Variants in LYPLAL1 observed in about 807,000 individuals in gnomAD.
LYPLAL1 encodes lysophospholipase-like protein 1.
Under a neutral mutation model 19.7 loss-of-function variants are expected in LYPLAL1, and 23 were observed. The observed-to-expected ratio is 1.17, with a 90% CI of 0.84 to 1.65. The LOEUF (loss-of-function observed/expected upper bound fraction) is 1.65. Ranked by LOEUF, LYPLAL1 falls within the 40% of genes most tolerant of loss-of-function variation. The pLI is 0.00. For missense variants in LYPLAL1, 355 were observed against 279.4 expected (o/e 1.27, Z -1.93); for synonymous variants, 119 against 96.3 (o/e 1.24, Z -1.38).
chr1:219,232,588 T>C, the LYPLAL1 span, among the ~76,000 whole-genome samples: 1 of 152,108 alleles, frequency 6.6e-6, no homozygotes, highest in Non-Finnish European at 1.5e-5. Context: ...TATCAACAAG[T>C]GAAATGCACC....
At chr1:219,400,641 G>A in the LYPLAL1 span, among the ~76,000 whole-genome samples, 497 of 152,008 alleles carry the variant, frequency 3.3e-3, 1 homozygote, top group African/African-American at 0.012. Context: ...ATTACAGGTG[G>A]TCACCACCAC....
At chr1:219,408,286 T>C in the LYPLAL1 span, among the ~76,000 whole-genome samples, 2 of 152,180 alleles carry the variant, frequency 1.3e-5, no homozygotes, top group African/African-American at 4.8e-5. Context: ...TACTGTATCT[T>C]AGACAGGTGG....
At chr1:219,307,786 G>A in the LYPLAL1 span, among the ~76,000 whole-genome samples, 3 of 152,158 alleles carry the variant, frequency 2.0e-5, no homozygotes, top group Non-Finnish European at 4.4e-5. Context: ...CATGAGATCT[G>A]ATGGTTTTAT....
the LYPLAL1 span, among the ~76,000 whole-genome samples, chr1:219,413,584 A>G: frequency 6.6e-6 from 1 of 152,226 alleles, no homozygotes; most frequent in Admixed American, 6.5e-5. Flanking sequence ...GGAGAATGTA[A>G]TCTAATTCTT....
chr1:219,192,716 T>C (rs1657281245), intron 2 of LYPLAL1, among the ~76,000 whole-genome samples: 1 of 151,634 alleles, frequency 6.6e-6, no homozygotes, highest in African/African-American at 2.4e-5. Context: ...TGGAATATCT[T>C]GATGGTGTGT....
the LYPLAL1 span, among the ~76,000 whole-genome samples, chr1:219,428,077 A>G: frequency 1.9e-3 from 286 of 152,308 alleles, 1 homozygote; most frequent in African/African-American, 5.6e-3. Flanking sequence ...AGCTGCATAC[A>G]TCTGATGACA....
At chr1:219,314,034 T>G in the LYPLAL1 span, among the ~76,000 whole-genome samples, 2 of 152,362 alleles carry the variant, frequency 1.3e-5, 1 homozygote, top group African/African-American at 4.8e-5. Context: ...TGTGTCCATA[T>G]GCACTCCGTG....
chr1:219,398,220 T>A, the LYPLAL1 span, among the ~76,000 whole-genome samples: 1 of 152,144 alleles, frequency 6.6e-6, no homozygotes, highest in Non-Finnish European at 1.5e-5. Context: ...TTTACATGAG[T>A]TCTTATTTCT....
the LYPLAL1 span, chr1:219,410,008 ATTC>A: frequency 2.0e-5 from 3 of 152,212 alleles, no homozygotes; most frequent in Admixed American, 6.5e-5. Flanking sequence ...GGATGTGAAA[ATTC>A]TTCTTCATCA....
the LYPLAL1 span, among the ~76,000 whole-genome samples, chr1:219,287,480 A>C: frequency 6.6e-6 from 1 of 152,174 alleles, no homozygotes; most frequent in Non-Finnish European, 1.5e-5. Flanking sequence ...TTGAAACAAC[A>C]ATGAGATACC....
intron 2 of LYPLAL1, among the ~76,000 whole-genome samples, chr1:219,191,708 A>G (rs1285318869): frequency 6.6e-6 from 1 of 151,538 alleles, no homozygotes; most frequent in Non-Finnish European, 1.5e-5. Context: ...AATAAGATTG[A>G]CATGAAAAAC....
the LYPLAL1 span, among the ~76,000 whole-genome samples, chr1:219,352,065 C>G: frequency 6.6e-6 from 1 of 152,186 alleles, no homozygotes; most frequent in Non-Finnish European, 1.5e-5. Flanking sequence ...CTTCTAAGAG[C>G]TACATCTGCT....
the LYPLAL1 span, among the ~76,000 whole-genome samples, chr1:219,347,483 C>T: frequency 5.3e-5 from 8 of 152,104 alleles, no homozygotes; most frequent in African/African-American, 9.7e-5. Flanking sequence ...CCACAATCAC[C>T]GGGGCCTTGT....
chr1:219,178,841 AATTT>A (rs1396357779), intron 1 of LYPLAL1, among the ~76,000 whole-genome samples: 1 of 152,148 alleles, frequency 6.6e-6, no homozygotes, highest in Non-Finnish European at 1.5e-5. Context: ...TAGAAAAATC[AATTT>A]ATTTATTTAT....
At chr1:219,370,385 C>CTT in the LYPLAL1 span, among the ~76,000 whole-genome samples, 1 of 152,172 alleles carries the variant, frequency 6.6e-6, no homozygotes, top group Admixed American at 6.5e-5. Flanking sequence ...TCTTTATCCC[C>CTT]TTTTCTTCCA....
intron 3 of LYPLAL1, among the ~76,000 whole-genome samples, chr1:219,200,856 C>G (rs894163243): frequency 6.6e-6 from 1 of 152,224 alleles, no homozygotes; most frequent in Non-Finnish European, 1.5e-5. Context: ...GCTTCTGTCT[C>G]CCCGGAGTTG....
the LYPLAL1 span, among the ~76,000 whole-genome samples, chr1:219,231,407 A>C: frequency 9.9e-5 from 15 of 152,246 alleles, no homozygotes; most frequent in African/African-American, 3.1e-4. Flanking sequence ...CGGACTAAAA[A>C]TATTTGTATT....
the LYPLAL1 span, among the ~76,000 whole-genome samples, chr1:219,419,592 C>CAGAGAGAGAGAGAGAGAG: frequency 1.6e-5 from 1 of 62,684 alleles, no homozygotes; most frequent in African/African-American, 4.7e-5. Context: ...CACACACACA[C>CAGAGAGAGAGAGAGAGAG]ACAGAGAGAG....
chr1:219,356,462 T>C, the LYPLAL1 span, among the ~76,000 whole-genome samples: 1 of 152,098 alleles, frequency 6.6e-6, no homozygotes, highest in Non-Finnish European at 1.5e-5. Context: ...ATCACACCAT[T>C]GCACTCCAGC....
Sources: gnomAD v4.1 joint callset for allele counts (sites outside exome capture counted in the v4.1 genomes callset) on GRCh38, gnomAD v4.1.1 for gene constraint, MANE v1.5 for transcripts, NCBI Gene and HGNC (gene_info 2026-07-23, HGNC 2026-07-21) for gene names.